The following MACROD2 variants were observed in gnomAD, a reference collection of about 807,000 sequenced individuals.
MACROD2 encodes the protein ADP-ribose glycohydrolase MACROD2.
MACROD2 carries 36 observed loss-of-function variants against 70.4 expected under a neutral mutation model. The ratio of observed to expected loss-of-function variants is 0.51; its 90% confidence interval spans 0.39 to 0.68. The LOEUF (loss-of-function observed/expected upper bound fraction) is 0.68, where lower values mean the gene tolerates loss of function less well. Ranked by LOEUF, MACROD2 falls within the 30% of genes least tolerant of loss-of-function variation. The probability of loss-of-function intolerance (pLI) is 0.00; values close to 1 mark genes in which losing one functional copy is unlikely to be tolerated. For synonymous variants in MACROD2, 172 were observed against 178.8 expected (o/e 0.96, Z 0.30); for missense variants, 496 against 538.4 (o/e 0.92, Z 0.78).
At chr20:15,252,242 G>C (rs1204700490) in intron 6 of MACROD2, among the ~76,000 whole-genome samples, 1 of 152,210 alleles carries the variant, frequency 6.6e-6, no homozygotes, top group Non-Finnish European at 1.5e-5. Context: ...TCATCTCAAA[G>C]TTTGTTACAA....
intron 3 of MACROD2, among the ~76,000 whole-genome samples, chr20:14,313,598 A>G (rs1045510789): frequency 1.3e-5 from 2 of 152,220 alleles, no homozygotes; most frequent in Non-Finnish European, 2.9e-5. Flanking sequence ...CTTGTGAATT[A>G]GTGCACTTCT....
intron 5 of MACROD2, among the ~76,000 whole-genome samples, chr20:15,203,443 A>G (rs907750443): frequency 4.6e-5 from 7 of 152,130 alleles, no homozygotes; most frequent in Non-Finnish European, 1.0e-4. Context: ...GATTGTGGAT[A>G]ATTCCTTGAC....
chr20:14,055,264 C>G (rs976948334), intron 2 of MACROD2, among the ~76,000 whole-genome samples: 11 of 152,034 alleles, frequency 7.2e-5, no homozygotes, highest in African/African-American at 2.7e-4. Context: ...CATTGGCGTT[C>G]TTTATAGTTT....
chr20:15,849,147 A>T (rs1380452458), intron 8 of MACROD2, among the ~76,000 whole-genome samples: 1 of 152,088 alleles, frequency 6.6e-6, no homozygotes, highest in Non-Finnish European at 1.5e-5. Context: ...GCACACACAC[A>T]CTCACACACA....
At chr20:15,302,145 C>T (rs2077650776) in intron 6 of MACROD2, among the ~76,000 whole-genome samples, 1 of 152,160 alleles carries the variant, frequency 6.6e-6, no homozygotes, top group Admixed American at 6.6e-5. Flanking sequence ...TGAAACCTGT[C>T]TCCCAAAGGG....
intron 6 of MACROD2, among the ~76,000 whole-genome samples, chr20:15,296,463 A>G (rs965137309): frequency 5.9e-5 from 9 of 152,216 alleles, no homozygotes; most frequent in Non-Finnish European, 1.3e-4. Context: ...AGTTTTCATA[A>G]TTATATGATG....
chr20:15,359,631 C>CAT (rs1029989652), intron 6 of MACROD2, among the ~76,000 whole-genome samples: 2 of 151,766 alleles, frequency 1.3e-5, no homozygotes, highest in Non-Finnish European at 2.9e-5. Flanking sequence ...CTATATAAAT[C>CAT]ATATATATGC....
chr20:14,720,567 T>TGTG, intron 5 of MACROD2, among the ~76,000 whole-genome samples: 1 of 112,786 alleles, frequency 8.9e-6, no homozygotes, highest in African/African-American at 3.7e-5. Flanking sequence ...TTTTTTTTTT[T>TGTG]TTTGTGAGGC....
At chr20:15,111,043 CCA>C (rs1393367244) in intron 5 of MACROD2, among the ~76,000 whole-genome samples, 1 of 152,138 alleles carries the variant, frequency 6.6e-6, no homozygotes, top group African/African-American at 2.4e-5. Flanking sequence ...AGTCACAGAG[CCA>C]CAGAGTATTG....
At chr20:14,663,146 G>A (rs1600512960) in intron 4 of MACROD2, among the ~76,000 whole-genome samples, 1 of 152,040 alleles carries the variant, frequency 6.6e-6, no homozygotes, top group Admixed American at 6.6e-5. Context: ...GGAATACTAT[G>A]CAGCCATAAA....
chr20:14,253,565 A>G (rs2082028710), intron 3 of MACROD2, among the ~76,000 whole-genome samples: 1 of 152,246 alleles, frequency 6.6e-6, no homozygotes, highest in Non-Finnish European at 1.5e-5. Flanking sequence ...AAGCTACTTT[A>G]AAAATAATGT....
At chr20:14,845,634 A>T (rs2073131912) in intron 5 of MACROD2, among the ~76,000 whole-genome samples, 1 of 152,032 alleles carries the variant, frequency 6.6e-6, no homozygotes, top group African/African-American at 2.4e-5. Context: ...CTTGTACAGA[A>T]TTCCTGGATA....
intron 3 of MACROD2, among the ~76,000 whole-genome samples, chr20:14,441,564 A>C (rs372044296): frequency 1.3e-5 from 2 of 152,240 alleles, no homozygotes; most frequent in Non-Finnish European, 2.9e-5. Flanking sequence ...CTTCCAATAA[A>C]GATGCTTCCA....
At chr20:15,396,243 C>T (rs1286410198) in intron 6 of MACROD2, among the ~76,000 whole-genome samples, 3 of 152,176 alleles carry the variant, frequency 2.0e-5, no homozygotes, top group Non-Finnish European at 4.4e-5. Context: ...TATTGAGTCA[C>T]TAGCATAGCA....
intron 5 of MACROD2, among the ~76,000 whole-genome samples, chr20:14,903,587 T>TA (rs11481534): frequency 0.89 from 135,235 of 152,092 alleles, 60,182 homozygotes; most frequent in East Asian, 1. Context: ...ATTATTTAGA[T>TA]ATATCAGGAG....
intron 3 of MACROD2, among the ~76,000 whole-genome samples, chr20:14,106,678 T>A (rs1167581183): frequency 6.6e-6 from 1 of 152,130 alleles, no homozygotes; most frequent in East Asian, 1.9e-4. Context: ...GTGGTGGTGG[T>A]CACAAGGATA....
At chr20:14,244,817 A>C (rs2081956487) in intron 3 of MACROD2, among the ~76,000 whole-genome samples, 1 of 152,222 alleles carries the variant, frequency 6.6e-6, no homozygotes, top group Admixed American at 6.5e-5. Context: ...GTCCTCAGTA[A>C]ACATGAAATA....
intron 5 of MACROD2, among the ~76,000 whole-genome samples, chr20:14,883,009 A>G (rs1945832595): frequency 6.6e-6 from 1 of 152,152 alleles, no homozygotes; most frequent in African/African-American, 2.4e-5. Flanking sequence ...ATTCATCTTC[A>G]TGAAACAGAG....
intron 8 of MACROD2, among the ~76,000 whole-genome samples, chr20:15,596,876 T>C (rs928702852): frequency 6.6e-6 from 1 of 152,202 alleles, no homozygotes; most frequent in Non-Finnish European, 1.5e-5. Flanking sequence ...ATTCTGAATA[T>C]GCATATTCTC....
Sources: allele counts gnomAD v4.1 joint callset (sites outside exome capture counted in the v4.1 genomes callset), GRCh38; gene constraint gnomAD v4.1.1; transcripts MANE v1.5; gene names NCBI Gene and HGNC (gene_info 2026-07-23, HGNC 2026-07-21).